ARHGAP24: variants seen among roughly 807,000 people sequenced by gnomAD.
The protein encoded by ARHGAP24 is rho GTPase-activating protein 24.
A neutral mutation model predicts 76.4 loss-of-function variants in ARHGAP24; 50 were observed. The observed-to-expected ratio is 0.65, with a 90% CI of 0.52 to 0.83. The LOEUF (loss-of-function observed/expected upper bound fraction) is 0.83. Among genes scored for constraint, ARHGAP24 ranks in the 40% least tolerant of loss-of-function variants. ARHGAP24 has a pLI of 0.00. For missense variants in ARHGAP24, 930 were observed against 914.2 expected (o/e 1.02, Z -0.22); for synonymous variants, 345 against 323.3 (o/e 1.07, Z -0.72).
intron 2 of ARHGAP24, among the ~76,000 whole-genome samples, chr4:85,655,766 C>CATATATATATATATATATATAT (rs370571889): frequency 2.9e-5 from 2 of 69,056 alleles, no homozygotes; most frequent in African/African-American, 2.0e-4. Flanking sequence ...AGTGAGACTC[C>CATATATATATATATATATATAT]ATATATATAT....
At chr4:85,773,133 T>C (rs770947582) in intron 3 of ARHGAP24, among the ~76,000 whole-genome samples, 1 of 152,200 alleles carries the variant, frequency 6.6e-6, no homozygotes, top group African/African-American at 2.4e-5. Flanking sequence ...TCTTCCTACC[T>C]GTAGTAATTT....
intron 2 of ARHGAP24, among the ~76,000 whole-genome samples, chr4:85,655,817 A>AG (rs70948742): frequency 0.34 from 19,946 of 57,938 alleles, 5,509 homozygotes; most frequent in Non-Finnish European, 0.41. Flanking sequence ...AGAGAGAGAG[A>AG]AAGAGAGAGA....
Position 85,936,619 on chromosome 4 carries a change from T to A in ARHGAP24, c.392-5447T>A, listed in dbSNP as rs974158937. 1.2e-4 allele frequency among the ~76,000 whole-genome samples: 19 copies of A among 152,188 alleles called. No individual in the cohort carries two copies. In the East Asian group the frequency reaches 3.3e-3, roughly 26 times the overall value. ...CATTATAATAAATGTAAAAATAAAA[T>A]CCTCTTTTGACTAGTCCAGCACAGG... is the stretch of plus-strand genomic sequence containing the variant. On this transcript the variant is annotated intron_variant, in intron 4 of 9. Transcript: ENST00000395184.
At chr4:85,562,296 G>A (rs1274703554) in intron 1 of ARHGAP24, among the ~76,000 whole-genome samples, 1 of 152,304 alleles carries the variant, frequency 6.6e-6, no homozygotes, top group Non-Finnish European at 1.5e-5. Context: ...CAAGGAAAGC[G>A]ATGTGATTAC....
intron 3 of ARHGAP24, among the ~76,000 whole-genome samples, chr4:85,733,893 G>C (rs888586974): frequency 2.6e-5 from 4 of 152,196 alleles, no homozygotes; most frequent in African/African-American, 9.7e-5. Flanking sequence ...GAAGTTCCTT[G>C]TATGTATTTT....
chr4:85,686,383 C>T (rs1050445367), intron 2 of ARHGAP24, among the ~76,000 whole-genome samples: 6 of 152,054 alleles, frequency 3.9e-5, no homozygotes, highest in Non-Finnish European at 7.4e-5. Context: ...ACTTAGTGTG[C>T]GAAGTGAGTA....
At chr4:85,920,907 G>T (rs1002937863) in intron 3 of ARHGAP24, among the ~76,000 whole-genome samples, 1 of 152,122 alleles carries the variant, frequency 6.6e-6, no homozygotes, top group African/African-American at 2.4e-5. Flanking sequence ...TGGAGAAACA[G>T]GAACACTTAT....
At chr4:85,728,149 C>A (rs1025390480) in intron 3 of ARHGAP24, among the ~76,000 whole-genome samples, 4 of 149,534 alleles carry the variant, frequency 2.7e-5, no homozygotes, top group Non-Finnish European at 4.4e-5. Flanking sequence ...ATTATTTTTT[C>A]CAGAAGGATT....
chr4:85,858,156 A>G (rs983683972), intron 3 of ARHGAP24, among the ~76,000 whole-genome samples: 4 of 152,214 alleles, frequency 2.6e-5, no homozygotes, highest in Non-Finnish European at 4.4e-5. Context: ...GTAACATTCA[A>G]TAAATGTTTA....
chr4:85,735,675 G>T (rs909836106), intron 3 of ARHGAP24, among the ~76,000 whole-genome samples: 3 of 151,932 alleles, frequency 2.0e-5, no homozygotes, highest in Non-Finnish European at 4.4e-5. Flanking sequence ...CTCAGTCTTG[G>T]TCCTCTTTGT....
chr4:85,859,905 C>T (rs1731792397), intron 3 of ARHGAP24, among the ~76,000 whole-genome samples: 1 of 151,924 alleles, frequency 6.6e-6, no homozygotes, highest in Admixed American at 6.6e-5. Flanking sequence ...CTCACAATGG[C>T]TAACCCAAGC....
At chr4:85,887,203 T>A (rs1356447535) in intron 3 of ARHGAP24, among the ~76,000 whole-genome samples, 1 of 152,136 alleles carries the variant, frequency 6.6e-6, no homozygotes, top group Non-Finnish European at 1.5e-5. Context: ...TGTTTTTCAT[T>A]AATATTGCCA....
At chr4:85,779,749 C>A (rs775398084) in intron 3 of ARHGAP24, among the ~76,000 whole-genome samples, 2 of 152,006 alleles carry the variant, frequency 1.3e-5, no homozygotes, top group African/African-American at 2.4e-5. Context: ...TAGCCCAATG[C>A]GGCACAGAAA....
intron 2 of ARHGAP24, 89 bp downstream of exon 2, chr4:85,570,810 C>T: frequency 7.2e-7 from 1 of 1,393,240 alleles, no homozygotes; most frequent in Non-Finnish European, 1.0e-6. Context: ...CTGAGACCAC[C>T]CAAAGCTCCC....
chr4:85,490,631 T>C (rs187504311), intron 1 of ARHGAP24, among the ~76,000 whole-genome samples: 1 of 152,276 alleles, frequency 6.6e-6, no homozygotes, highest in Non-Finnish European at 1.5e-5. Flanking sequence ...AGTTAAACAA[T>C]CAAGCCATGG....
At chr4:85,908,127 T>C (rs944255527) in intron 3 of ARHGAP24, among the ~76,000 whole-genome samples, 1 of 152,128 alleles carries the variant, frequency 6.6e-6, no homozygotes, top group African/African-American at 2.4e-5. Context: ...TACACCACCA[T>C]CTCAACTTTG....
At chr4:85,504,260 C>G (rs1723942055) in intron 1 of ARHGAP24, among the ~76,000 whole-genome samples, 1 of 152,112 alleles carries the variant, frequency 6.6e-6, no homozygotes, top group Non-Finnish European at 1.5e-5. Context: ...GAGTTCAAGT[C>G]CTGGATATCC....
intron 2 of ARHGAP24, among the ~76,000 whole-genome samples, chr4:85,616,215 T>C (rs899729194): frequency 1.3e-5 from 2 of 152,238 alleles, no homozygotes; most frequent in African/African-American, 2.4e-5. Context: ...GAGAGGCATA[T>C]TTAAAATAAA....
At chr4:85,522,036 CTCAATGTAAAATA>C (rs1724792367) in intron 1 of ARHGAP24, among the ~76,000 whole-genome samples, 1 of 152,114 alleles carries the variant, frequency 6.6e-6, no homozygotes, top group Non-Finnish European at 1.5e-5. Context: ...TAGTATATAT[CTCAATGTAAAATA>C]GTTTTGATTT....
Sources: gnomAD v4.1 joint callset for allele counts (sites outside exome capture counted in the v4.1 genomes callset) on GRCh38, gnomAD v4.1.1 for gene constraint, MANE v1.5 for transcripts, NCBI Gene and HGNC (gene_info 2026-07-23, HGNC 2026-07-21) for gene names.